Variants in ATP8B1 observed in about 807,000 individuals in gnomAD.
ATP8B1 encodes the protein phospholipid-transporting ATPase IC.
In ATP8B1, 80 loss-of-function variants were observed where a neutral mutation model predicts 149.9. The observed-to-expected ratio is 0.53, with a 90% CI of 0.45 to 0.64. ATP8B1 has a LOEUF of 0.64. Ranked by LOEUF, ATP8B1 falls within the 30% of genes least tolerant of loss-of-function variation. The pLI is 0.00. For synonymous variants in ATP8B1, 536 were observed against 562.8 expected, an observed-to-expected ratio of 0.95 and a Z score of 0.67; for missense variants, 1,247 against 1,552.6, an observed-to-expected ratio of 0.80 and a Z score of 3.31.
intron 20 of ATP8B1, among the ~76,000 whole-genome samples, chr18:57,665,786 C>T (rs895717815): frequency 2.0e-5 from 3 of 152,134 alleles, no homozygotes; most frequent in South Asian, 4.2e-4. Context: ...ATCCTGACCT[C>T]GTGATCCACC....
At chr18:57,799,645 G>A (rs1392132587) in intron 1 of ATP8B1, among the ~76,000 whole-genome samples, 1 of 148,850 alleles carries the variant, frequency 6.7e-6, no homozygotes, top group African/African-American at 2.5e-5. Context: ...CGAAGAGGAG[G>A]TTGCAGTGAG....
chr18:57,759,320 A>G (rs936505815), intron 1 of ATP8B1, among the ~76,000 whole-genome samples: 2 of 152,056 alleles, frequency 1.3e-5, no homozygotes, highest in African/African-American at 4.8e-5. Context: ...GTAGCATATT[A>G]CTGCAGTGAA....
chr18:57,712,102 G>A (rs1913718298), intron 2 of ATP8B1, among the ~76,000 whole-genome samples: 1 of 150,454 alleles, frequency 6.6e-6, no homozygotes, highest in South Asian at 2.1e-4. Flanking sequence ...TGGCCAAATA[G>A]AAGCTCGCAC....
At chr18:57,729,554 T>C (rs1235571175) in intron 2 of ATP8B1, among the ~76,000 whole-genome samples, 4 of 22,894 alleles carry the variant, frequency 1.7e-4, no homozygotes, top group Admixed American at 4.4e-4. Flanking sequence ...TCTTTCTTTT[T>C]TTTTTTTTTT....
rs568463837 is a variant in ATP8B1, at chr18:57,673,494, CTGCAATTTATTCTCTTTTTTATATT to C, written c.1819+1315_1819+1339del. 1.7e-3 allele frequency among the ~76,000 whole-genome samples: 259 copies of C among 152,114 alleles called. 2 individuals carry two copies. Among genetic ancestry groups the C allele is most frequent in the African/African-American group, 5.9e-3 (245 of 41,524 alleles). ...TATTTAGGGGAAAGGGACATTAGGCCTGCAATTTATTCTCTTTTTTATATTTTTATTTTCTTTTTTTATCATGTAA... is the reference window on the plus strand; with the variant it reads ...TATTTAGGGGAAAGGGACATTAGGCCTTTATTTTCTTTTTTTATCATGTAA... On this transcript the variant is annotated intron_variant, in intron 16 of 27. Coordinates refer to ENST00000648908, the MANE Select transcript of ATP8B1 (RefSeq NM_001374385.1).
At chr18:57,735,870 A>G (rs1052723655) in intron 1 of ATP8B1, among the ~76,000 whole-genome samples, 1 of 152,092 alleles carries the variant, frequency 6.6e-6, no homozygotes, top group Non-Finnish European at 1.5e-5. Context: ...ACATAGGTAT[A>G]CATGTGCCAT....
chr18:57,707,359 C>T (rs1913457768), intron 2 of ATP8B1, among the ~76,000 whole-genome samples: 1 of 152,100 alleles, frequency 6.6e-6, no homozygotes, highest in South Asian at 2.1e-4. Context: ...ACCAAGTTCT[C>T]CATGAACATG....
intron 15 of ATP8B1, among the ~76,000 whole-genome samples, chr18:57,681,324 A>T (rs1911958278): frequency 1.3e-5 from 2 of 152,138 alleles, no homozygotes; most frequent in South Asian, 4.1e-4. Context: ...CTGCAACCAC[A>T]CGTGAACGTG....
rs546374418 is a variant in ATP8B1 at position 57,678,253 on chromosome 18, T to C, written c.1631-3231A>G. Among the ~76,000 whole-genome samples the C allele has an allele frequency of 7.2e-5, 11 of 152,184 alleles. No homozygotes were observed. In the South Asian group the frequency reaches 2.1e-3, roughly 29 times the overall value. On this transcript the variant is annotated intron_variant, in intron 15 of 27. Coordinates refer to ENST00000648908, the MANE Select transcript of ATP8B1 (RefSeq NM_001374385.1). ...GACTGCAAAAATAGATAGTGGGGAC[T>C]TCAAGAGAAAGGAGGGAGGGAGGGC...
intron 22 of ATP8B1, among the ~76,000 whole-genome samples, chr18:57,658,079 TTC>T (rs1910131066): frequency 6.6e-6 from 1 of 150,846 alleles, no homozygotes; most frequent in Non-Finnish European, 1.5e-5. Context: ...TGGAGTCTTT[TTC>T]TGTCGCCCAG....
intron 16 of ATP8B1, 33 bp downstream of exon 16, chr18:57,674,801 G>A (rs775772705): frequency 5.4e-5 from 87 of 1,609,100 alleles, no homozygotes; most frequent in Non-Finnish European, 7.1e-5. Flanking sequence ...ATCTAAATGA[G>A]CGATTCATAG....
At chr18:57,672,302 T>C (rs1000999598) in intron 16 of ATP8B1, among the ~76,000 whole-genome samples, 5 of 152,194 alleles carry the variant, frequency 3.3e-5, no homozygotes, top group Non-Finnish European at 7.3e-5. Context: ...AATGACCATT[T>C]TTTTTGGGTT....
At chr18:57,707,814 G>C (rs1051849541) in intron 2 of ATP8B1, among the ~76,000 whole-genome samples, 1 of 151,316 alleles carries the variant, frequency 6.6e-6, no homozygotes, top group African/African-American at 2.4e-5. Flanking sequence ...GCAAAATGAT[G>C]TATTTTCTAG....
At position 57,802,341 on chromosome 18, in the gene ATP8B1, C is replaced by G. The variant is rs965660631; in HGVS notation, c.-26+657G>C. ...GCCATCTCAGCGGGGCTGGCGGACGCGACCCGACAGTCACCGGAAAAACAG... is the reference window on the plus strand; with the variant it reads ...GCCATCTCAGCGGGGCTGGCGGACGGGACCCGACAGTCACCGGAAAAACAG... On this transcript the variant is annotated intron_variant, in intron 1 of 27. Coordinates refer to ENST00000648908, the MANE Select transcript of ATP8B1 (RefSeq NM_001374385.1). The surrounding 1 kb of genome is among the most constrained non-coding windows in gnomAD (Gnocchi z 4.9). Among the ~76,000 whole-genome samples, 1 of 152,150 alleles carries G rather than the reference C, an allele frequency of 6.6e-6. No homozygotes were observed. The highest frequency in any genetic ancestry group is 2.4e-5 in the African/African-American group (1 of 41,438).
chr18:57,761,292 T>C (rs899644291), intron 1 of ATP8B1, among the ~76,000 whole-genome samples: 14 of 152,258 alleles, frequency 9.2e-5, no homozygotes, highest in Middle Eastern at 3.4e-3. Flanking sequence ...AAGAAAGTTT[T>C]AGATTCAAAT....
chr18:57,768,386 C>CAAAAA (rs145660399), intron 1 of ATP8B1, among the ~76,000 whole-genome samples: 185 of 68,122 alleles, frequency 2.7e-3, no homozygotes, highest in East Asian at 0.016. Context: ...GACCCTGTCT[C>CAAAAA]AAAAAAAAAA....
Position 57,650,513 on chromosome 18 carries a change from C to CA in ATP8B1, c.3401-17dup. 6.2e-7 allele frequency: 1 copy of CA among 1,611,402 alleles called. No individual in the cohort carries two copies. Among genetic ancestry groups the CA allele is most frequent in the Non-Finnish European group, 8.5e-7 (1 of 1,178,242 alleles). Reference sequence around the variant, plus strand: ...GAAGCTGTGCCTGTAAAGAACATGGCAAATGCATCACTGTGGTTCTTTTTT... The same window carrying CA: ...GAAGCTGTGCCTGTAAAGAACATGGCAAAATGCATCACTGTGGTTCTTTTTT... On this transcript the variant is annotated splice_polypyrimidine_tract_variant and intron_variant, in intron 26 of 27. Coordinates refer to ENST00000648908, the MANE Select transcript of ATP8B1 (RefSeq NM_001374385.1).
chr18:57,716,155 C>T (rs895616635), intron 2 of ATP8B1, among the ~76,000 whole-genome samples: 1 of 151,956 alleles, frequency 6.6e-6, no homozygotes, highest in Non-Finnish European at 1.5e-5. Flanking sequence ...TTAGACAGTA[C>T]TTACAAGCCT....
chr18:57,752,862 T>G (rs1269825639), intron 1 of ATP8B1, among the ~76,000 whole-genome samples: 1 of 152,190 alleles, frequency 6.6e-6, no homozygotes, highest in East Asian at 1.9e-4. Context: ...AGTAGAACTT[T>G]CATAAAGAAC....
Sources: gnomAD v4.1 joint callset for allele counts (sites outside exome capture counted in the v4.1 genomes callset) on GRCh38, gnomAD v4.1.1 for gene constraint, Gnocchi (gnomAD v3.1) non-coding constraint, MANE v1.5 for transcripts, NCBI Gene and HGNC (gene_info 2026-07-23, HGNC 2026-07-21) for gene names.